DIAPH2: variants seen among roughly 807,000 people sequenced by gnomAD.
DIAPH2 encodes the protein diaphanous related formin 2.
In DIAPH2, 35 loss-of-function variants were observed where a neutral mutation model predicts 92.7. The ratio of observed to expected loss-of-function variants is 0.38; its 90% CI spans 0.29 to 0.50. DIAPH2 has a LOEUF of 0.50. DIAPH2 is among the 20% of genes least tolerant of loss of function. The probability of loss-of-function intolerance (pLI) is 0.94; values close to 1 mark genes in which losing one functional copy is unlikely to be tolerated. For missense variants in DIAPH2, 701 were observed against 819.5 expected (o/e 0.86, Z 1.77); for synonymous variants, 301 against 280.4 (o/e 1.07, Z -0.73).
Position 97,006,411 on chromosome X carries a change from A to G in DIAPH2, c.2050+41204A>G, listed in dbSNP as rs184565314. Among the ~76,000 whole-genome samples, 9 of 112,262 alleles carry G rather than the reference A, an allele frequency of 8.0e-5. No individual in the cohort carries two copies. The East Asian group carries it at 2.5e-3, about 32-fold the overall frequency. ...TCTAGCTATTATTGCATAGGGTTCTATCTTTGTCTTTAGCTCTAATAATGT... is the reference window on the plus strand; with the variant it reads ...TCTAGCTATTATTGCATAGGGTTCTGTCTTTGTCTTTAGCTCTAATAATGT... On this transcript the variant is annotated intron_variant, in intron 17 of 26. Coordinates refer to ENST00000324765, the MANE Select transcript of DIAPH2 (RefSeq NM_006729.5).
chrX:97,241,453 G>A (rs972503958), intron 22 of DIAPH2, among the ~76,000 whole-genome samples: 3 of 109,345 alleles, frequency 2.7e-5, no homozygotes, highest in African/African-American at 6.6e-5. Flanking sequence ...GCCTGCCACC[G>A]CGCCCTGCTA....
At position 96,811,098 on chromosome X, in the gene DIAPH2, T is replaced by C. The variant is rs982155068; in HGVS notation, c.447+52840T>C. Among the ~76,000 whole-genome samples the C allele has an allele frequency of 2.5e-4, 28 of 111,951 alleles. 1 individual carries two copies. The highest frequency in any genetic ancestry group is 4.3e-4 in the Non-Finnish European group (23 of 53,191). On this transcript the variant is annotated intron_variant, in intron 4 of 26. Coordinates refer to ENST00000324765, the MANE Select transcript of DIAPH2 (RefSeq NM_006729.5). ...ATGGAGATGGCTTTGAATCTATAAA[T>C]TACCTTGGGCAGTATGGCCATTTTC...
At chrX:96,952,301 T>C (rs1232770482) in intron 15 of DIAPH2, among the ~76,000 whole-genome samples, 1 of 111,842 alleles carries the variant, frequency 8.9e-6, no homozygotes, top group Non-Finnish European at 1.9e-5. Flanking sequence ...CATTCATCTA[T>C]GTGAAAAAAC....
chrX:97,346,595 G>T (rs902789492), intron 23 of DIAPH2, among the ~76,000 whole-genome samples: 7 of 112,018 alleles, frequency 6.2e-5, no homozygotes, highest in Non-Finnish European at 1.3e-4. Context: ...ATGTGACACA[G>T]GAGCCCTCAA....
chrX:96,968,692 T>A lies in DIAPH2; in HGVS notation c.2050+3485T>A, dbSNP rs1184466826. Among the ~76,000 whole-genome samples the A allele has an allele frequency of 2.7e-5, 3 of 112,395 alleles. No homozygotes were observed. In the Admixed American group the frequency reaches 2.8e-4, roughly 11 times the overall value. On this transcript the variant is annotated intron_variant, in intron 17 of 26. Coordinates refer to ENST00000324765, the MANE Select transcript of DIAPH2 (RefSeq NM_006729.5). ...TTCCATTGTGCAGGTTGTCTGTTTA[T>A]CCTGTTAATAGTTTATTTTGTTGTG...
chrX:97,429,640 C>T lies in DIAPH2; in HGVS notation c.3146-10C>T. On this transcript the variant is annotated splice_polypyrimidine_tract_variant and intron_variant, in intron 25 of 26. Transcript: ENST00000324765. ...CTCCAAGATTAATTCTGATTTCTCC[C>T]TTTCTCCAGAGGGTGATGAGACTGG... 1 of 1,201,956 alleles carries T rather than the reference C, an allele frequency of 8.3e-7. No homozygotes were observed. The highest frequency in any genetic ancestry group is 1.1e-6 in the Non-Finnish European group (1 of 892,296).
intron 26 of DIAPH2, among the ~76,000 whole-genome samples, chrX:97,580,846 A>C (rs1418158466): frequency 4.6e-4 from 44 of 95,156 alleles, no homozygotes; most frequent in South Asian, 1.0e-3. Flanking sequence ...ACAATTTCAG[A>C]TCCTGTTATT....
intron 26 of DIAPH2, among the ~76,000 whole-genome samples, chrX:97,495,982 A>G (rs1331407622): frequency 3.6e-5 from 4 of 110,786 alleles, no homozygotes; most frequent in African/African-American, 9.8e-5. Context: ...TAGAAACAGC[A>G]ACAAAGATAC....
intron 5 of DIAPH2, among the ~76,000 whole-genome samples, chrX:96,888,615 C>CTA (rs1269799528): frequency 2.1e-5 from 2 of 93,589 alleles, no homozygotes; most frequent in East Asian, 3.2e-4. Context: ...CTATATATAT[C>CTA]TATATATATA....
At chrX:97,452,029 G>A (rs1276004775) in intron 26 of DIAPH2, among the ~76,000 whole-genome samples, 1 of 111,442 alleles carries the variant, frequency 9.0e-6, no homozygotes, top group African/African-American at 3.3e-5. Flanking sequence ...TAGCAGTTCA[G>A]TTGTTTTTTT....
chrX:97,143,521 C>T (rs1209871821), intron 22 of DIAPH2, among the ~76,000 whole-genome samples: 1 of 109,489 alleles, frequency 9.1e-6, no homozygotes, highest in African/African-American at 3.3e-5. Context: ...ATTTACTATA[C>T]ATAAATAAAT....
intron 23 of DIAPH2, among the ~76,000 whole-genome samples, chrX:97,293,243 CTTTTTTTTTTTTTTTTT>C (rs1184478622): frequency 1.1e-4 from 7 of 63,201 alleles, no homozygotes; most frequent in Non-Finnish European, 2.1e-4. Context: ...ATATTTCTTT[CTTTTTTTTTTTTTTTTT>C]TTTTTTTTTG....
At chrX:97,285,383 C>CAAAAACAAA (rs2068533066) in intron 23 of DIAPH2, among the ~76,000 whole-genome samples, 1 of 38,121 alleles carries the variant, frequency 2.6e-5, no homozygotes, top group Non-Finnish European at 4.2e-5. Context: ...ACTAAAAATA[C>CAAAAACAAA]AAAAAAAAAA....
chrX:97,555,620 A>G (rs2147865930), intron 26 of DIAPH2, among the ~76,000 whole-genome samples: 1 of 112,049 alleles, frequency 8.9e-6, no homozygotes, highest in Non-Finnish European at 1.9e-5. Context: ...CAATGTCAGT[A>G]TGGGAAAAAA....
At chrX:97,561,660 A>G (rs2071295025) in intron 26 of DIAPH2, among the ~76,000 whole-genome samples, 1 of 112,430 alleles carries the variant, frequency 8.9e-6, no homozygotes, top group Non-Finnish European at 1.9e-5. Context: ...TCTTTAGTAC[A>G]AAACTCCTGA....
intron 4 of DIAPH2, among the ~76,000 whole-genome samples, chrX:96,848,329 T>C (rs1372731934): frequency 8.9e-6 from 1 of 112,288 alleles, no homozygotes; most frequent in Non-Finnish European, 1.9e-5. Context: ...GCATGAGCTG[T>C]TGTGCCTGGC....
chrX:97,102,204 A>C (rs1480540650), intron 20 of DIAPH2, among the ~76,000 whole-genome samples: 3 of 111,618 alleles, frequency 2.7e-5, no homozygotes, highest in Admixed American at 1.9e-4. Flanking sequence ...TATTTCAATC[A>C]GACTCTCACT....
At chrX:97,172,210 G>A (rs1020511807) in intron 22 of DIAPH2, among the ~76,000 whole-genome samples, 1 of 111,997 alleles carries the variant, frequency 8.9e-6, no homozygotes, top group African/African-American at 3.2e-5. Context: ...TCTATTTTCT[G>A]CAATAGGAAT....
chrX:97,389,052 GTAT>G (rs1288037182), intron 25 of DIAPH2, among the ~76,000 whole-genome samples: 1 of 111,392 alleles, frequency 9.0e-6, no homozygotes, highest in Admixed American at 9.5e-5. Context: ...AAAAGTGTCA[GTAT>G]TATTATGAAA....
Sources: gnomAD v4.1 joint callset for allele counts (sites outside exome capture counted in the v4.1 genomes callset) on GRCh38, gnomAD v4.1.1 for gene constraint, MANE v1.5 for transcripts, NCBI Gene and HGNC (gene_info 2026-07-23, HGNC 2026-07-21) for gene names.